Variants in CNTN4 observed in about 807,000 individuals in gnomAD.
CNTN4 encodes the protein contactin-4.
In CNTN4, 77 loss-of-function variants were observed where a neutral mutation model predicts 122.5. The observed-to-expected ratio is 0.63, with a 90% CI of 0.52 to 0.76. CNTN4 has a LOEUF of 0.76. Among genes scored for constraint, CNTN4 ranks in the 30% least tolerant of loss-of-function variants. The pLI, the probability that CNTN4 is intolerant of heterozygous loss-of-function variation, is 0.00. For missense variants in CNTN4, 1,256 were observed against 1,259.1 expected (o/e 1.00, Z 0.04); for synonymous variants, 512 against 447.0 (o/e 1.15, Z -1.83).
chr3:3,045,698 T>G (rs1226885858), intron 23 of CNTN4, among the ~76,000 whole-genome samples: 1 of 152,074 alleles, frequency 6.6e-6, no homozygotes, highest in Non-Finnish European at 1.5e-5. Flanking sequence ...GCAGAAAAAC[T>G]GAAAATTCTA....
intron 12 of CNTN4, among the ~76,000 whole-genome samples, chr3:2,919,189 C>A (rs867901622): frequency 5.7e-4 from 79 of 137,940 alleles, no homozygotes; most frequent in South Asian, 7.1e-4. Context: ...ACTAAAAATA[C>A]AAAAAAAAAA....
intron 2 of CNTN4, among the ~76,000 whole-genome samples, chr3:2,116,695 A>C (rs1463649377): frequency 1.3e-5 from 2 of 152,120 alleles, no homozygotes; most frequent in Non-Finnish European, 2.9e-5. Context: ...AATTTTTCAG[A>C]ATCTTTATGT....
chr3:2,787,949 C>G (rs1022360471), intron 6 of CNTN4, among the ~76,000 whole-genome samples: 2 of 152,038 alleles, frequency 1.3e-5, no homozygotes, highest in African/African-American at 4.8e-5. Context: ...GCCACCACGC[C>G]TGGCTAAATT....
chr3:2,846,959 C>T (rs1247053554), intron 7 of CNTN4, among the ~76,000 whole-genome samples: 1 of 152,136 alleles, frequency 6.6e-6, no homozygotes, highest in Non-Finnish European at 1.5e-5. Context: ...CACCACTGTA[C>T]TCCAGCCTGG....
intron 2 of CNTN4, among the ~76,000 whole-genome samples, chr3:2,215,456 A>T (rs970441561): frequency 2.0e-5 from 3 of 152,228 alleles, no homozygotes; most frequent in African/African-American, 7.2e-5. Flanking sequence ...CTCCTGATAT[A>T]AACATTTCTC....
chr3:2,275,152 A>G (rs1378624696), intron 2 of CNTN4, among the ~76,000 whole-genome samples: 2 of 152,200 alleles, frequency 1.3e-5, no homozygotes, highest in African/African-American at 2.4e-5. Context: ...GTCTGTCACT[A>G]TAATGTTTAC....
intron 2 of CNTN4, among the ~76,000 whole-genome samples, chr3:2,283,412 C>CA (rs1205115702): frequency 6.6e-6 from 1 of 152,022 alleles, no homozygotes; most frequent in Non-Finnish European, 1.5e-5. Context: ...CCATCTCCCC[C>CA]AAAGTATAGG....
At chr3:2,683,182 G>A (rs146411557) in intron 4 of CNTN4, among the ~76,000 whole-genome samples, 4 of 152,064 alleles carry the variant, frequency 2.6e-5, no homozygotes, top group Admixed American at 6.6e-5. Flanking sequence ...GCAGACTTGG[G>A]TATAGTTATT....
Position 3,057,573 on chromosome 3 carries a change from C to T in CNTN4, c.*1353C>T, listed in dbSNP as rs1361859082. 4 of 152,574 alleles carry T rather than the reference C, an allele frequency of 2.6e-5. No individual in the cohort carries two copies. In the East Asian group the frequency reaches 7.7e-4, roughly 29 times the overall value. 9.5% of individuals were successfully genotyped at this position (152,574 alleles called of 1,614,324 possible). ...AACATTTTCTCATGTAAACATGCTG[C>T]CACCTTTTCTTCTTTCTCAGAGAAC... is the stretch of plus-strand genomic sequence containing the variant. On this transcript the variant is annotated 3_prime_UTR_variant, in exon 25 of 25. Transcript: ENST00000418658.
chr3:2,921,204 A>G (rs187270074), intron 12 of CNTN4, among the ~76,000 whole-genome samples: 149 of 152,238 alleles, frequency 9.8e-4, no homozygotes, highest in African/African-American at 3.4e-3. Context: ...CACCTGGCTA[A>G]TGTTTTATTT....
chr3:2,792,563 T>C (rs1312896251), intron 6 of CNTN4, among the ~76,000 whole-genome samples: 18 of 152,248 alleles, frequency 1.2e-4, no homozygotes, highest in Admixed American at 1.1e-3. Context: ...TAGAAGCCAA[T>C]TGAATTAGCA....
intron 4 of CNTN4, among the ~76,000 whole-genome samples, chr3:2,633,943 G>C (rs2082549549): frequency 1.3e-5 from 2 of 152,144 alleles, no homozygotes; most frequent in African/African-American, 4.8e-5. Context: ...TTTCAACATT[G>C]TTGATATTGT....
chr3:2,938,817 C>A (rs777585631), intron 13 of CNTN4, among the ~76,000 whole-genome samples: 1 of 152,206 alleles, frequency 6.6e-6, no homozygotes, highest in Admixed American at 6.5e-5. Flanking sequence ...CTTGAACTAC[C>A]TCAGCCGTGC....
chr3:2,208,738 C>T (rs2038475095), intron 2 of CNTN4, among the ~76,000 whole-genome samples: 1 of 152,078 alleles, frequency 6.6e-6, no homozygotes, highest in South Asian at 2.1e-4. Flanking sequence ...CACAGTGACC[C>T]CAAACCTTTA....
intron 2 of CNTN4, among the ~76,000 whole-genome samples, chr3:2,187,408 C>T (rs186411473): frequency 1.3e-4 from 20 of 152,164 alleles, no homozygotes; most frequent in African/African-American, 4.8e-4. Flanking sequence ...CTTGGCAATG[C>T]GGGCTCTTTT....
At chr3:2,341,398 A>C (rs186285088) in intron 3 of CNTN4, among the ~76,000 whole-genome samples, 1 of 152,214 alleles carries the variant, frequency 6.6e-6, no homozygotes, top group Non-Finnish European at 1.5e-5. Context: ...CTTGTTCTTC[A>C]TGGTATTCCA....
Position 2,405,726 on chromosome 3 carries a change from A to C in CNTN4, c.-89+66493A>C, listed in dbSNP as rs528400400. Among the ~76,000 whole-genome samples, 20 of 152,294 alleles carry C rather than the reference A, an allele frequency of 1.3e-4. 1 individual carries two copies. The South Asian group carries it at 4.1e-3, about 32-fold the overall frequency. ...TAAAAGAAATTGAACACCATCATCA[A>C]AACACTATGTTAATGGCTGGGCATG... On this transcript the variant is annotated intron_variant, in intron 3 of 24. Transcript: ENST00000418658.
rs2151697328 is a variant in CNTN4, at chr3:2,494,905, G to A, written c.-88-76511G>A. On this transcript the variant is annotated intron_variant, in intron 3 of 24. Coordinates refer to ENST00000418658, the MANE Select transcript of CNTN4 (RefSeq NM_175607.3). Reference sequence around the variant, plus strand: ...TACAATATGTTTTCCATTAATAATAGTCCTTGTTCTATATCAGGGTTTCTC... The same window carrying A: ...TACAATATGTTTTCCATTAATAATAATCCTTGTTCTATATCAGGGTTTCTC... Among the ~76,000 whole-genome samples the A allele has an allele frequency of 1.3e-5, 2 of 152,192 alleles. 1 individual carries two copies. The highest frequency in any genetic ancestry group is 1.3e-4 in the Admixed American group (2 of 15,292).
chr3:2,468,709 TTTTC>T (rs2075588074), intron 3 of CNTN4, among the ~76,000 whole-genome samples: 1 of 152,180 alleles, frequency 6.6e-6, no homozygotes, highest in African/African-American at 2.4e-5. Context: ...TTAATTTTTT[TTTTC>T]TTTCTTCTCT....
Sources: gnomAD v4.1 joint callset for allele counts (sites outside exome capture counted in the v4.1 genomes callset) on GRCh38, gnomAD v4.1.1 for gene constraint, MANE v1.5 for transcripts, NCBI Gene and HGNC (gene_info 2026-07-23, HGNC 2026-07-21) for gene names.